Variants in TANGO2 observed in about 807,000 individuals in gnomAD.
The protein encoded by TANGO2 is transport and golgi organization 2 homolog.
Under a neutral mutation model 39.1 loss-of-function variants are expected in TANGO2, and 26 were observed. That is an observed-to-expected ratio of 0.67 (90% confidence interval 0.49 to 0.92). The LOEUF (loss-of-function observed/expected upper bound fraction) is 0.92. Among genes scored for constraint, TANGO2 ranks in the 40% least tolerant of loss-of-function variants. The pLI is 0.00. For missense variants in TANGO2, 326 were observed against 360.1 expected (o/e 0.91, Z 0.77); for synonymous variants, 131 against 144.5 (o/e 0.91, Z 0.67).
rs1254432638 is a variant in TANGO2, at chr22:20,057,526, G to A, written c.451+1513G>A. Among the ~76,000 whole-genome samples, 2 of 152,212 alleles carry A rather than the reference G, an allele frequency of 1.3e-5. No homozygotes were observed. The highest frequency in any genetic ancestry group is 1.3e-4 in the Admixed American group (2 of 15,290). ...ACCCTGGTCTTCCCCTCCCTACCTT[G>A]GATACAACTGTGGGCAGCCCACCTG... On this transcript the variant is annotated intron_variant, in intron 6 of 8. Coordinates refer to ENST00000327374, the MANE Select transcript of TANGO2 (RefSeq NM_152906.7). The surrounding 1 kb of genome is among the most constrained non-coding windows in gnomAD (Gnocchi z 4.1).
At position 20,053,484 on chromosome 22, in the gene TANGO2, T is replaced by G. The variant is rs2147552238; in HGVS notation, c.313T>G (p.Tyr105Asp). ...FLTTDVDSLSYLKKVSMEGHL... is the reference protein window; with the variant it reads ...FLTTDVDSLSDLKKVSMEGHL... ...GACCACTGACGTGGACAGCTTGTCC[T>G]ACCTGAAGAAGGTCTCTATGGAGGG... The change falls in exon 5 of 9, where the codon TAC becomes GAC. Residue 105 changes from tyrosine to aspartate, a missense_variant. Coordinates refer to ENST00000327374, the MANE Select transcript of TANGO2 (RefSeq NM_152906.7). The G allele has an allele frequency of 6.2e-7, 1 of 1,614,014 alleles. No homozygotes were observed. The highest frequency in any genetic ancestry group is 8.5e-7 in the Non-Finnish European group (1 of 1,179,866).
At chr22:20,019,074 AC>A (rs1945403992), upstream of TANGO2, 1 of 152,052 alleles carries the variant, frequency 6.6e-6, no homozygotes, top group African/African-American at 2.4e-5. Context: ...ACAGAGCGAG[AC>A]TCCATCTCAA....
At chr22:20,037,320 C>T (rs1400039302) in intron 2 of TANGO2, among the ~76,000 whole-genome samples, 2 of 152,064 alleles carry the variant, frequency 1.3e-5, no homozygotes, top group African/African-American at 4.8e-5. Context: ...TGAGGACCAG[C>T]CAGAGGAGTC....
At chr22:20,042,621 T>C (rs1265241996) in intron 2 of TANGO2, among the ~76,000 whole-genome samples, 1 of 151,816 alleles carries the variant, frequency 6.6e-6, no homozygotes, top group Non-Finnish European at 1.5e-5. Flanking sequence ...AAAAATTAGC[T>C]GGGTGTGGTG....
At chr22:20,056,146 G>A (rs1401663621) in intron 6 of TANGO2, 133 bp downstream of exon 6, 1 of 775,492 alleles carries the variant, frequency 1.3e-6, no homozygotes, top group Admixed American at 2.0e-5. Context: ...AGTGCCTTAT[G>A]GTCTGTGGGC....
At chr22:20,050,820 G>T (rs1208076364) in intron 3 of TANGO2, among the ~76,000 whole-genome samples, 1 of 149,402 alleles carries the variant, frequency 6.7e-6, no homozygotes, top group East Asian at 2.0e-4. Context: ...GATCCTGCTG[G>T]TTGCAAATAC....
intron 6 of TANGO2, 136 bp downstream of exon 6, chr22:20,056,149 C>A (rs1450563782): frequency 2.7e-6 from 2 of 754,396 alleles, no homozygotes; most frequent in Admixed American, 2.0e-5. Context: ...GCCTTATGGT[C>A]TGTGGGCACC....
chr22:20,064,518 A>G, intron 8 of TANGO2, 24 bp from the exon 9 acceptor site: 1 of 1,613,744 alleles, frequency 6.2e-7, no homozygotes, highest in Non-Finnish European at 8.5e-7. Context: ...CACCAGGTGA[A>G]CGAGGGCCCC....
chr22:20,055,820 C>A (rs1054876888), intron 5 of TANGO2, 123 bp from the exon 6 acceptor site: 5 of 850,876 alleles, frequency 5.9e-6, no homozygotes, highest in African/African-American at 5.0e-5. Context: ...AGCTCCTGAC[C>A]TGGCCGCAGC....
chr22:20,031,409 A>G (rs1240060801), intron 1 of TANGO2, among the ~76,000 whole-genome samples: 3 of 152,174 alleles, frequency 2.0e-5, no homozygotes, highest in Non-Finnish European at 4.4e-5. Flanking sequence ...CAGGAACCTC[A>G]CCACCATGCC....
chr22:20,032,350 C>T (rs2042030241), intron 1 of TANGO2, among the ~76,000 whole-genome samples: 1 of 152,272 alleles, frequency 6.6e-6, no homozygotes, highest in Admixed American at 6.5e-5. Context: ...GTGGTCTTAG[C>T]CCCTTGGGGC....
At chr22:20,056,861 G>C (rs188397848) in intron 6 of TANGO2, 1 of 456,614 alleles carries the variant, frequency 2.2e-6, no homozygotes. Context: ...TGGTGGCATC[G>C]TGGAACTCTG....
chr22:20,023,618 G>C (rs920468407), intron 1 of TANGO2, among the ~76,000 whole-genome samples: 9 of 152,170 alleles, frequency 5.9e-5, no homozygotes, highest in Non-Finnish European at 1.0e-4. Flanking sequence ...AGTTTGGGAG[G>C]CCGAGGCGGG....
At chr22:20,027,257 C>T (rs920991749) in intron 1 of TANGO2, among the ~76,000 whole-genome samples, 6 of 152,206 alleles carry the variant, frequency 3.9e-5, no homozygotes. Flanking sequence ...ATGATCCAAT[C>T]GCCTCCCACC....
chr22:20,049,514 G>T (rs1431959305), intron 3 of TANGO2, among the ~76,000 whole-genome samples: 1 of 152,082 alleles, frequency 6.6e-6, no homozygotes, highest in Non-Finnish European at 1.5e-5. Flanking sequence ...TACAAAATTA[G>T]CTGGGTGTGG....
upstream of TANGO2, among the ~76,000 whole-genome samples, chr22:20,019,967 A>G (rs1433014038): frequency 6.6e-6 from 1 of 152,270 alleles, no homozygotes; most frequent in Non-Finnish European, 1.5e-5. Flanking sequence ...AGTGTGGAGC[A>G]CAACGGGCCC....
intron 1 of TANGO2, among the ~76,000 whole-genome samples, chr22:20,034,834 C>T (rs1347765824): frequency 2.0e-5 from 3 of 152,212 alleles, no homozygotes; most frequent in Non-Finnish European, 1.5e-5. Context: ...GCAGGATTGG[C>T]CACTGTGTTC....
At chr22:20,042,526 G>A (rs980660765) in intron 2 of TANGO2, among the ~76,000 whole-genome samples, 7 of 152,180 alleles carry the variant, frequency 4.6e-5, no homozygotes, top group African/African-American at 1.7e-4. Flanking sequence ...CCGCCTCGGA[G>A]GCCGAGGCGG....
At chr22:20,039,674 C>A (rs754212756) in intron 2 of TANGO2, among the ~76,000 whole-genome samples, 1 of 152,022 alleles carries the variant, frequency 6.6e-6, no homozygotes, top group Non-Finnish European at 1.5e-5. Context: ...TACAGCCCCA[C>A]GTGATGCCAC....
Sources: allele counts gnomAD v4.1 joint callset (sites outside exome capture counted in the v4.1 genomes callset), GRCh38; gene constraint gnomAD v4.1.1; non-coding constraint Gnocchi (gnomAD v3.1); transcripts MANE v1.5; gene names NCBI Gene and HGNC (gene_info 2026-07-23, HGNC 2026-07-21).